PSMC2: variants seen among roughly 807,000 people sequenced by gnomAD.
PSMC2 encodes the protein 26S proteasome regulatory subunit 7.
In PSMC2, 7 loss-of-function variants were observed where a neutral mutation model predicts 53.3. The ratio of observed to expected loss-of-function variants is 0.13; its 90% CI spans 0.07 to 0.25. PSMC2 has a LOEUF of 0.25. Ranked by LOEUF, PSMC2 falls within the 10% of genes least tolerant of loss-of-function variation. The probability of loss-of-function intolerance (pLI) is 1.00; values close to 1 mark genes in which losing one functional copy is unlikely to be tolerated. For synonymous variants in PSMC2, 169 were observed against 183.9 expected, an observed-to-expected ratio of 0.92 and a Z score of 0.66; for missense variants, 241 against 544.0, an observed-to-expected ratio of 0.44 and a Z score of 5.54.
chr7:103,368,257 C>T lies in PSMC2; in HGVS notation c.*203C>T. The T allele has an allele frequency of 3.7e-6, 2 of 544,604 alleles. No individual in the cohort carries two copies. Among genetic ancestry groups the T allele is most frequent in the South Asian group, 3.1e-5 (1 of 32,584 alleles). The allele number at this position is 544,604 out of a possible 1,614,324, so 33.7% of individuals were successfully genotyped here. On this transcript the variant is annotated 3_prime_UTR_variant, in exon 12 of 12. Transcript: ENST00000292644. Reference sequence around the variant, plus strand: ...ATATATTTTGACTATTTTTTTGACCCACACCCGTTTAAGGATTTCACATCA... The same window carrying T: ...ATATATTTTGACTATTTTTTTGACCTACACCCGTTTAAGGATTTCACATCA...
chr7:103,356,060 G>A (rs763732559), intron 4 of PSMC2, among the ~76,000 whole-genome samples: 5 of 152,064 alleles, frequency 3.3e-5, no homozygotes, highest in Admixed American at 6.5e-5. Context: ...TTGCTTTCCC[G>A]TTGCCCTTTC....
intron 4 of PSMC2, among the ~76,000 whole-genome samples, chr7:103,356,069 T>G (rs950937543): frequency 5.9e-5 from 9 of 152,166 alleles, no homozygotes; most frequent in African/African-American, 9.7e-5. Context: ...CGTTGCCCTT[T>G]CCTCAAACGT....
chr7:103,362,284 C>A, intron 5 of PSMC2, 196 bp downstream of exon 5: 1 of 1,406,056 alleles, frequency 7.1e-7, no homozygotes, highest in Non-Finnish European at 9.2e-7. Flanking sequence ...GACTCCCCTA[C>A]TCCCACTGTT....
At chr7:103,348,910 A>G (rs1468067420) in intron 1 of PSMC2, 5 of 464,882 alleles carry the variant, frequency 1.1e-5, no homozygotes, top group South Asian at 6.3e-5. Context: ...TACAAATTGT[A>G]GGATAAATTC....
At chr7:103,348,852 T>A (rs1274645160) in intron 1 of PSMC2, 7 of 563,048 alleles carry the variant, frequency 1.2e-5, no homozygotes, top group East Asian at 9.9e-5. Context: ...AATAAACATT[T>A]AAAAAAATGA....
intron 3 of PSMC2, among the ~76,000 whole-genome samples, chr7:103,355,253 A>G (rs1442980150): frequency 6.6e-6 from 1 of 152,230 alleles, no homozygotes; most frequent in Non-Finnish European, 1.5e-5. Flanking sequence ...TTGGATAAAA[A>G]TAAGATCTCA....
intron 8 of PSMC2, 140 bp from the exon 9 acceptor site, chr7:103,365,936 A>T: frequency 1.4e-6 from 1 of 690,752 alleles, no homozygotes; most frequent in Non-Finnish European, 2.3e-6. Context: ...TCAAAAAAAT[A>T]AAAAAATAAA....
At chr7:103,354,004 A>G (rs772170122) in intron 2 of PSMC2, 46 bp downstream of exon 2, 1 of 1,439,048 alleles carries the variant, frequency 6.9e-7, no homozygotes, top group South Asian at 1.3e-5. Flanking sequence ...TTATGTTGAA[A>G]TAAAAACTGT....
At chr7:103,366,022 A>G (rs1820701585) in intron 8 of PSMC2, 54 bp from the exon 9 acceptor site, 1 of 1,390,026 alleles carries the variant, frequency 7.2e-7, no homozygotes, top group Non-Finnish European at 1.0e-6. Context: ...CTTTTTACTT[A>G]TTTTAAAATA....
intron 1 of PSMC2, chr7:103,352,685 C>T: frequency 1.7e-6 from 1 of 590,080 alleles, no homozygotes; most frequent in South Asian, 1.9e-5. Flanking sequence ...TGAGCCACAG[C>T]ATCCGGCTGA....
chr7:103,365,485 C>T (rs373985017), intron 8 of PSMC2, among the ~76,000 whole-genome samples: 2 of 151,844 alleles, frequency 1.3e-5, no homozygotes, highest in Non-Finnish European at 2.9e-5. Flanking sequence ...TAGAAAAAGC[C>T]GGGTGTGGTG....
Position 103,347,644 on chromosome 7 carries a change from A to G in PSMC2, c.-68A>G, listed in dbSNP as rs774748165. ...ACTTCCGGTGGGGAAGGGAAAGGGA[A>G]GACACCACCGGAAGCAAGGAAGGTG... On this transcript the variant is annotated 5_prime_UTR_variant, in exon 1 of 12. Transcript: ENST00000292644. 1.9e-6 allele frequency: 3 copies of G among 1,573,752 alleles called. No individual in the cohort carries two copies. The highest frequency in any genetic ancestry group is 2.6e-6 in the Non-Finnish European group (3 of 1,144,332).
At chr7:103,357,064 G>T (rs1321444546) in intron 4 of PSMC2, among the ~76,000 whole-genome samples, 1 of 152,048 alleles carries the variant, frequency 6.6e-6, no homozygotes, top group Non-Finnish European at 1.5e-5. Context: ...GGCAGCTCAC[G>T]CCTGTAATCC....
chr7:103,348,257 C>T (rs1295656167), intron 1 of PSMC2, among the ~76,000 whole-genome samples: 1 of 152,204 alleles, frequency 6.6e-6, no homozygotes, highest in Non-Finnish European at 1.5e-5. Context: ...AGCCTCGCAT[C>T]CTTGGCCCCA....
intron 4 of PSMC2, among the ~76,000 whole-genome samples, chr7:103,361,486 G>A (rs187037179): frequency 7.0e-6 from 1 of 142,118 alleles, no homozygotes; most frequent in Non-Finnish European, 1.5e-5. Flanking sequence ...TTTCAGCCTG[G>A]GCAACAAGAG....
chr7:103,360,296 C>T (rs1164276604), intron 4 of PSMC2, among the ~76,000 whole-genome samples: 2 of 152,022 alleles, frequency 1.3e-5, no homozygotes, highest in African/African-American at 4.8e-5. Flanking sequence ...TCTTCCTTTC[C>T]CCAGGGTTTG....
At chr7:103,348,571 C>G (rs1239216524) in intron 1 of PSMC2, 1 of 844,960 alleles carries the variant, frequency 1.2e-6, no homozygotes, top group East Asian at 2.5e-5. Context: ...ACAATGAGTA[C>G]CTTTTACCTC....
chr7:103,362,656 T>C (rs373410579), intron 5 of PSMC2, 30 bp from the exon 6 acceptor site: 10 of 1,555,610 alleles, frequency 6.4e-6, no homozygotes, highest in South Asian at 2.2e-5. Context: ...TTAAAGAATG[T>C]ATTAATGACT....
At chr7:103,359,780 G>C (rs1360345258) in intron 4 of PSMC2, among the ~76,000 whole-genome samples, 3 of 152,010 alleles carry the variant, frequency 2.0e-5, no homozygotes, top group Non-Finnish European at 4.4e-5. Flanking sequence ...TTCTTGTACT[G>C]ATTTAAGGTT....
Sources: allele counts gnomAD v4.1 joint callset (sites outside exome capture counted in the v4.1 genomes callset), GRCh38; gene constraint gnomAD v4.1.1; transcripts MANE v1.5; gene names NCBI Gene and HGNC (gene_info 2026-07-23, HGNC 2026-07-21).